The following CTCF variants were observed in gnomAD, a reference collection of about 807,000 sequenced individuals.
CTCF encodes transcriptional repressor CTCF.
Under a neutral mutation model 72.3 loss-of-function variants are expected in CTCF, and 7 were observed. The observed-to-expected ratio is 0.10, with a 90% CI of 0.06 to 0.18. The LOEUF (loss-of-function observed/expected upper bound fraction) is 0.18, where lower values mean the gene tolerates loss of function less well. Among genes scored for constraint, CTCF ranks in the 10% least tolerant of loss-of-function variants. CTCF has a pLI of 1.00. For missense variants in CTCF, 516 were observed against 949.1 expected (o/e 0.54, Z 6.00); for synonymous variants, 374 against 315.8 (o/e 1.18, Z -1.95).
intron 2 of CTCF, among the ~76,000 whole-genome samples, chr16:67,606,616 A>G (rs574274392): frequency 4.6e-5 from 7 of 152,298 alleles, no homozygotes; most frequent in Non-Finnish European, 1.5e-5. Context: ...GTCTTCTCTG[A>G]CTGCTATCAT....
At chr16:67,591,871 G>C (rs749662848) in intron 2 of CTCF, among the ~76,000 whole-genome samples, 4 of 151,948 alleles carry the variant, frequency 2.6e-5, no homozygotes, top group Non-Finnish European at 5.9e-5. Context: ...ATCATACCTA[G>C]CTAATTTTTT....
intron 2 of CTCF, among the ~76,000 whole-genome samples, chr16:67,588,550 C>T (rs1281564590): frequency 1.3e-5 from 2 of 152,144 alleles, no homozygotes; most frequent in Non-Finnish European, 2.9e-5. Context: ...AGAGAGAGGA[C>T]AGCATGTACT....
At position 67,596,570 on chromosome 16, in the gene CTCF, TTTTTA is replaced by T. The variant is rs577628357; in HGVS notation, c.-9-14235_-9-14231del. 2.6e-3 allele frequency among the ~76,000 whole-genome samples: 390 copies of T among 152,006 alleles called. 3 individuals are homozygous for T. The highest frequency in any genetic ancestry group is 8.8e-3 in the African/African-American group (367 of 41,534). On this transcript the variant is annotated intron_variant, in intron 2 of 11. Coordinates refer to ENST00000264010, the MANE Select transcript of CTCF (RefSeq NM_006565.4). ...CATGTTTTTGTCATACATAATTTTA[TTTTTA>T]TTTTATTTTATTTTATTTATTTATT...
At chr16:67,624,181 A>T (rs1207344250) in intron 7 of CTCF, among the ~76,000 whole-genome samples, 2 of 150,866 alleles carry the variant, frequency 1.3e-5, no homozygotes, top group African/African-American at 2.4e-5. Flanking sequence ...ATTCATATAT[A>T]TATGTATTTT....
chr16:67,633,478 A>G (rs564371542), intron 10 of CTCF, among the ~76,000 whole-genome samples: 13 of 152,310 alleles, frequency 8.5e-5, no homozygotes, highest in Admixed American at 2.0e-4. Flanking sequence ...GAGGAGAGCA[A>G]GAGGGTTGGA....
chr16:67,618,027 G>C lies in CTCF; in HGVS notation c.1086+1149G>C, dbSNP rs533853028. The stretch of plus-strand genomic sequence containing the variant: ...GAAGAAAAACCATATTATTTCTGTA[G>C]ATGGGATGGGAGCTAAAATTCAGTA... On this transcript the variant is annotated intron_variant, in intron 5 of 11. Coordinates refer to ENST00000264010, the MANE Select transcript of CTCF (RefSeq NM_006565.4). 3.3e-5 allele frequency among the ~76,000 whole-genome samples: 5 copies of C among 152,318 alleles called. No homozygotes were observed. In the East Asian group the frequency reaches 9.6e-4, roughly 29 times the overall value.
intron 1 of CTCF, among the ~76,000 whole-genome samples, chr16:67,568,844 C>CA (rs1491541306): frequency 7.4e-6 from 1 of 134,830 alleles, no homozygotes; most frequent in Non-Finnish European, 1.5e-5. Context: ...TTTGGAAACT[C>CA]TTTTTTTTTT....
At chr16:67,578,296 C>T (rs549808948) in intron 2 of CTCF, among the ~76,000 whole-genome samples, 2 of 144,206 alleles carry the variant, frequency 1.4e-5, no homozygotes, top group East Asian at 2.1e-4. Flanking sequence ...GAAAATTCTG[C>T]GTATATTCAA....
At chr16:67,633,781 G>GACACACACACACACACACACAC (rs10587869) in intron 10 of CTCF, among the ~76,000 whole-genome samples, 1 of 143,106 alleles carries the variant, frequency 7.0e-6, no homozygotes, top group Non-Finnish European at 1.5e-5. Context: ...CTTGTCCCCT[G>GACACACACACACACACACACAC]ACACACACAC....
At chr16:67,575,989 T>TAAA (rs35681914) in intron 2 of CTCF, among the ~76,000 whole-genome samples, 1 of 114,124 alleles carries the variant, frequency 8.8e-6, no homozygotes, top group African/African-American at 3.3e-5. Context: ...ACCTTGTCTG[T>TAAA]AAAAAAAAAA....
intron 10 of CTCF, among the ~76,000 whole-genome samples, chr16:67,631,685 C>A (rs1172336569): frequency 2.0e-4 from 23 of 113,010 alleles, no homozygotes; most frequent in East Asian, 1.4e-3. Context: ...CCCCCACCCC[C>A]CCCCCCTTTT....
chr16:67,603,543 G>A (rs1459653858), intron 2 of CTCF, among the ~76,000 whole-genome samples: 1 of 149,026 alleles, frequency 6.7e-6, no homozygotes, highest in African/African-American at 2.5e-5. Context: ...AAAAAAAAAA[G>A]GCTGGGTGTG....
At chr16:67,570,510 G>A (rs574882358) in intron 1 of CTCF, among the ~76,000 whole-genome samples, 2 of 149,470 alleles carry the variant, frequency 1.3e-5, no homozygotes, top group Non-Finnish European at 3.0e-5. Flanking sequence ...GTGCCGTGGT[G>A]CGATCTCGGC....
Position 67,636,862 on chromosome 16 carries a change from C to T in CTCF, c.1999+11C>T, listed in dbSNP as rs751343779. On this transcript the variant is annotated intron_variant, in intron 11 of 11. Coordinates refer to ENST00000264010, the MANE Select transcript of CTCF (RefSeq NM_006565.4). ...CCAAACAGAACCAGCGTAAGTTGTT[C>T]ATCTCTGCTCTGGAGGCTGGCGTCT... 1.6e-5 allele frequency: 24 copies of T among 1,517,380 alleles called. No homozygotes were observed. The highest frequency in any genetic ancestry group is 1.0e-4 in the South Asian group (8 of 77,208). The allele number at this position is 1,517,380 out of a possible 1,614,324, so 94.0% of individuals were successfully genotyped here.
At chr16:67,629,342 C>T in intron 9 of CTCF, 56 bp from the exon 10 acceptor site, 1 of 1,520,856 alleles carries the variant, frequency 6.6e-7, no homozygotes, top group South Asian at 1.2e-5. Flanking sequence ...AAATAACTTC[C>T]AATCTGATCT....
intron 2 of CTCF, among the ~76,000 whole-genome samples, chr16:67,598,571 C>T (rs796673815): frequency 4.6e-5 from 7 of 152,268 alleles, no homozygotes; most frequent in African/African-American, 1.7e-4. Context: ...AAAAAAATGG[C>T]AACATGATCC....
chr16:67,636,471 C>A (rs1392446337), intron 10 of CTCF, among the ~76,000 whole-genome samples: 1 of 149,174 alleles, frequency 6.7e-6, no homozygotes, highest in Non-Finnish European at 1.5e-5. Flanking sequence ...TTGCTTGAAT[C>A]TGGGAGGCAG....
chr16:67,598,519 C>T (rs2051843923), intron 2 of CTCF, among the ~76,000 whole-genome samples: 1 of 152,134 alleles, frequency 6.6e-6, no homozygotes, highest in Non-Finnish European at 1.5e-5. Context: ...GTTATTATTA[C>T]ATGGTTTGAG....
intron 2 of CTCF, among the ~76,000 whole-genome samples, chr16:67,606,822 A>G (rs1164756153): frequency 6.8e-6 from 1 of 146,238 alleles, no homozygotes; most frequent in East Asian, 2.0e-4. Context: ...GCTGGAGTGC[A>G]GTGGCACTCG....
Sources: gnomAD v4.1 joint callset for allele counts (sites outside exome capture counted in the v4.1 genomes callset) on GRCh38, gnomAD v4.1.1 for gene constraint, MANE v1.5 for transcripts, NCBI Gene and HGNC (gene_info 2026-07-23, HGNC 2026-07-21) for gene names.